The following DNAH11 variants were observed in gnomAD, a reference collection of about 807,000 sequenced individuals.
The protein encoded by DNAH11 is dynein axonemal heavy chain 11.
DNAH11 carries 442 observed loss-of-function variants against 526.0 expected under a neutral mutation model. The observed-to-expected ratio is 0.84, with a 90% CI of 0.78 to 0.91. The LOEUF is 0.91. DNAH11 is among the 40% of genes least tolerant of loss of function. The pLI is 0.00. For synonymous variants in DNAH11, 2,461 were observed against 1,935.9 expected, an observed-to-expected ratio of 1.27 and a Z score of -7.12; for missense variants, 6,989 against 5,448.7, an observed-to-expected ratio of 1.28 and a Z score of -8.90.
rs570986865 is a variant in DNAH11, at chr7:21,641,978, C to T, written c.4944+2913C>T. 3.9e-5 allele frequency among the ~76,000 whole-genome samples: 6 copies of T among 152,304 alleles called. No individual in the cohort carries two copies. The South Asian group carries it at 1.2e-3, about 32-fold the overall frequency. On this transcript the variant is annotated intron_variant, in intron 28 of 81. Coordinates refer to ENST00000409508, the MANE Select transcript of DNAH11 (RefSeq NM_001277115.2). The stretch of plus-strand genomic sequence containing the variant: ...CTCTCCAAACTCCCTCACAGCTGTG[C>T]TGATAAATGCCACCACGCTAACAAA...
chr7:21,733,842 T>A (rs1785492395), intron 45 of DNAH11, among the ~76,000 whole-genome samples: 1 of 149,812 alleles, frequency 6.7e-6, no homozygotes, highest in African/African-American at 2.4e-5. Flanking sequence ...TAGCCTTTTT[T>A]ATATATATAT....
At chr7:21,743,600 A>G (rs773807413) in intron 49 of DNAH11, among the ~76,000 whole-genome samples, 2 of 152,236 alleles carry the variant, frequency 1.3e-5, no homozygotes, top group African/African-American at 4.8e-5. Flanking sequence ...CCTCAAAACC[A>G]TAACACAGCA....
intron 38 of DNAH11, 150 bp downstream of exon 38, chr7:21,704,778 T>A: frequency 1.3e-6 from 1 of 743,912 alleles, no homozygotes; most frequent in South Asian, 2.4e-5. Flanking sequence ...ATGGCAGGAT[T>A]AAGTAAACAT....
Position 21,621,002 on chromosome 7 carries a change from G to A in DNAH11, c.4500+924G>A, listed in dbSNP as rs567283002. Among the ~76,000 whole-genome samples, 118 of 152,088 alleles carry A rather than the reference G, an allele frequency of 7.8e-4. 1 individual carries two copies. The South Asian group carries it at 0.011, about 14-fold the overall frequency. Reference sequence around the variant, plus strand: ...GGGTTGGTTCCAAGTCTTTGCTGTTGTGAATAGTGCCACAATAAACATACG... The same window carrying A: ...GGGTTGGTTCCAAGTCTTTGCTGTTATGAATAGTGCCACAATAAACATACG... On this transcript the variant is annotated intron_variant, in intron 25 of 81. Coordinates refer to ENST00000409508, the MANE Select transcript of DNAH11 (RefSeq NM_001277115.2).
chr7:21,679,321 T>C (rs1459477298), intron 30 of DNAH11, among the ~76,000 whole-genome samples: 3 of 152,224 alleles, frequency 2.0e-5, no homozygotes, highest in Non-Finnish European at 2.9e-5. Flanking sequence ...TAATTTAACA[T>C]ATGGCACCTA....
intron 39 of DNAH11, 111 bp from the exon 40 acceptor site, chr7:21,707,588 C>G (rs1784317062): frequency 3.8e-6 from 5 of 1,321,802 alleles, no homozygotes; most frequent in Non-Finnish European, 5.1e-6. Flanking sequence ...TTAGCACACA[C>G]ACAGCATCTA....
intron 19 of DNAH11, 27 bp downstream of exon 19, chr7:21,606,569 T>C (rs769055776): frequency 6.3e-7 from 1 of 1,584,062 alleles, no homozygotes; most frequent in Non-Finnish European, 8.6e-7. Context: ...GTTTTTGTTT[T>C]AAGAAAGGTT....
Position 21,558,962 on chromosome 7 carries a change from G to A in DNAH11, c.656G>A (p.Gly219Glu), listed in dbSNP as rs1783331733. Residue 219 changes from glycine to glutamate, a missense_variant, in exon 3 of 82, where the codon GGA (glycine) becomes GAA (glutamate). Physicochemically the swap from Gly to Glu is moderately conservative, Grantham distance 98 (BLOSUM62 -2). Coordinates refer to ENST00000409508, the MANE Select transcript of DNAH11 (RefSeq NM_001277115.2). ...RTLLPIPTVAGKMDLDQNCSE... is the reference protein window; with the variant it reads ...RTLLPIPTVAEKMDLDQNCSE... ...CTTCTACCAATTCCCACTGTTGCAG[G>A]AAAGATGGATCTGGATCAGAATTGT... 1 of 1,590,914 alleles carries A rather than the reference G, an allele frequency of 6.3e-7. No homozygotes were observed. The highest frequency in any genetic ancestry group is 2.3e-5 in the East Asian group (1 of 44,184).
chr7:21,882,531 C>T (rs146768880), intron 75 of DNAH11, among the ~76,000 whole-genome samples: 2 of 152,184 alleles, frequency 1.3e-5, no homozygotes, highest in Non-Finnish European at 2.9e-5. Flanking sequence ...CGTGATGGCT[C>T]ATGCCTATAA....
intron 76 of DNAH11, among the ~76,000 whole-genome samples, chr7:21,888,224 A>G (rs1377445408): frequency 6.6e-6 from 1 of 152,192 alleles, no homozygotes; most frequent in Non-Finnish European, 1.5e-5. Context: ...AAAAATCCCT[A>G]ACAGCACTTT....
chr7:21,601,335 T>C, intron 17 of DNAH11, 61 bp from the exon 18 acceptor site: 2 of 1,514,370 alleles, frequency 1.3e-6, no homozygotes, highest in Admixed American at 1.9e-5. Flanking sequence ...AGAAGTCTTA[T>C]ACTGCTAAAT....
chr7:21,848,108 A>G (rs535250520), intron 66 of DNAH11, among the ~76,000 whole-genome samples: 30 of 146,536 alleles, frequency 2.0e-4, no homozygotes, highest in African/African-American at 8.0e-4. Context: ...TAGAGCTTGC[A>G]GTGAGCTGGG....
intron 5 of DNAH11, among the ~76,000 whole-genome samples, chr7:21,562,351 C>T (rs778377021): frequency 1.3e-5 from 2 of 152,280 alleles, no homozygotes; most frequent in Non-Finnish European, 2.9e-5. Context: ...GGCAAGATTT[C>T]TCCTGGTTGA....
intron 66 of DNAH11, among the ~76,000 whole-genome samples, chr7:21,845,581 A>G (rs1782387208): frequency 1.3e-5 from 2 of 151,816 alleles, no homozygotes; most frequent in Non-Finnish European, 2.9e-5. Flanking sequence ...CATTCCATTG[A>G]TCTGTTTGTC....
chr7:21,648,673 C>T (rs113536571), intron 28 of DNAH11, among the ~76,000 whole-genome samples: 9 of 152,014 alleles, frequency 5.9e-5, no homozygotes, highest in Non-Finnish European at 8.8e-5. Context: ...TAAATCTTGG[C>T]GTGTTTTGTT....
At chr7:21,576,025 T>C (rs1378116042) in intron 8 of DNAH11, among the ~76,000 whole-genome samples, 1 of 152,204 alleles carries the variant, frequency 6.6e-6, no homozygotes, top group Non-Finnish European at 1.5e-5. Flanking sequence ...TACTTTTCCC[T>C]ACTGCTCCCA....
chr7:21,791,094 A>C (rs1183093288), intron 61 of DNAH11, among the ~76,000 whole-genome samples: 2 of 152,192 alleles, frequency 1.3e-5, no homozygotes, highest in African/African-American at 4.8e-5. Context: ...GATGAGATAC[A>C]GAGAGACGGG....
At chr7:21,833,262 C>G (rs908532882) in intron 65 of DNAH11, among the ~76,000 whole-genome samples, 23 of 152,082 alleles carry the variant, frequency 1.5e-4, no homozygotes, top group African/African-American at 5.3e-4. Context: ...GAACATAAAC[C>G]TGGTGAAAAT....
chr7:21,707,676 G>C (rs776518921), intron 39 of DNAH11, 23 bp from the exon 40 acceptor site: 6 of 1,593,836 alleles, frequency 3.8e-6, no homozygotes, highest in Middle Eastern at 1.7e-4. Context: ...TAATTTTTTT[G>C]GCTCTTTCCT....
Sources: allele counts gnomAD v4.1 joint callset (sites outside exome capture counted in the v4.1 genomes callset), GRCh38; gene constraint gnomAD v4.1.1; transcripts MANE v1.5; gene names NCBI Gene and HGNC (gene_info 2026-07-23, HGNC 2026-07-21).